KATNIP: variants seen among roughly 807,000 people sequenced by gnomAD.
KATNIP encodes the protein katanin interacting protein.
A neutral mutation model predicts 174.0 loss-of-function variants in KATNIP; 126 were observed. The ratio of observed to expected loss-of-function variants is 0.72; its 90% confidence interval spans 0.63 to 0.84. The LOEUF is 0.84. KATNIP is among the 40% of genes least tolerant of loss of function. KATNIP has a pLI of 0.00. For synonymous variants in KATNIP, 810 were observed against 835.7 expected (o/e 0.97, Z 0.53); for missense variants, 1,958 against 2,109.7 (o/e 0.93, Z 1.41).
chr16:27,711,405 G>A (rs1315129149), intron 13 of KATNIP, among the ~76,000 whole-genome samples: 1 of 152,184 alleles, frequency 6.6e-6, no homozygotes, highest in Non-Finnish European at 1.5e-5. Context: ...ACTCAAGGTT[G>A]GGGGCTACTT....
chr16:27,651,270 A>G (rs540611884), intron 6 of KATNIP, among the ~76,000 whole-genome samples: 4 of 152,286 alleles, frequency 2.6e-5, no homozygotes, highest in Admixed American at 1.3e-4. Flanking sequence ...GTGCTTGATT[A>G]TATTTCTCTC....
rs370045089 is a variant in KATNIP, at chr16:27,698,321, C to A, written c.941-7C>A. ...TAAAAGAACGTCCCCCTGTCTTCTGCCCTCAGGACCTGGAAGCCGGCGAGA... is the reference window on the plus strand; with the variant it reads ...TAAAAGAACGTCCCCCTGTCTTCTGACCTCAGGACCTGGAAGCCGGCGAGA... On this transcript the variant is annotated splice_polypyrimidine_tract_variant and splice_region_variant and intron_variant, in intron 8 of 27. Transcript: ENST00000261588. 113 of 1,603,984 alleles carry A rather than the reference C, an allele frequency of 7.0e-5. No individual in the cohort carries two copies. The African/African-American group carries it at 1.3e-3, about 19-fold the overall frequency.
At chr16:27,587,259 G>A (rs2090938615) in intron 2 of KATNIP, among the ~76,000 whole-genome samples, 1 of 152,218 alleles carries the variant, frequency 6.6e-6, no homozygotes, top group African/African-American at 2.4e-5. Context: ...TTAAGTGTTT[G>A]CTGTTTATTA....
chr16:27,618,647 C>A, intron 3 of KATNIP, 146 bp downstream of exon 3: 1 of 600,102 alleles, frequency 1.7e-6, no homozygotes, highest in Non-Finnish European at 3.0e-6. Flanking sequence ...TATCTGCAAC[C>A]CCAGCTCCTA....
intron 24 of KATNIP, 137 bp downstream of exon 24, chr16:27,775,221 G>A: frequency 9.1e-7 from 1 of 1,102,486 alleles, no homozygotes; most frequent in Non-Finnish European, 1.3e-6. Context: ...CTGTCAGAAA[G>A]GTTTAGGTCT....
chr16:27,658,436 T>C (rs1226556241), intron 6 of KATNIP, among the ~76,000 whole-genome samples: 1 of 152,206 alleles, frequency 6.6e-6, no homozygotes, highest in African/African-American at 2.4e-5. Flanking sequence ...GGAAGGAGCA[T>C]CTTTTAAGTT....
At chr16:27,603,259 G>C (rs1409851460) in intron 2 of KATNIP, among the ~76,000 whole-genome samples, 1 of 152,194 alleles carries the variant, frequency 6.6e-6, no homozygotes, top group Non-Finnish European at 1.5e-5. Context: ...CTAGATTTTA[G>C]CAGAACTCAG....
chr16:27,690,469 T>G (rs1004624235), intron 8 of KATNIP, among the ~76,000 whole-genome samples: 1 of 152,308 alleles, frequency 6.6e-6, no homozygotes, highest in Middle Eastern at 3.4e-3. Flanking sequence ...TGGAAAATGC[T>G]GCAAAACCAC....
At chr16:27,725,894 A>G (rs992648727) in intron 14 of KATNIP, among the ~76,000 whole-genome samples, 7 of 151,944 alleles carry the variant, frequency 4.6e-5, no homozygotes, top group Admixed American at 3.9e-4. Flanking sequence ...ATATACAGAA[A>G]GGCACTCGTT....
chr16:27,779,241 T>C lies in KATNIP; in HGVS notation c.*612T>C, dbSNP rs1365061352. 1 of 152,260 alleles carries C rather than the reference T, an allele frequency of 6.6e-6. No individual in the cohort carries two copies. The highest frequency in any genetic ancestry group is 1.5e-5 in the Non-Finnish European group (1 of 68,122). 9.4% of individuals were successfully genotyped at this position (152,260 alleles called of 1,614,324 possible). ...TCCCGGTATAGGGGCCTCTCTCCTC[T>C]CATCGGGCCTGATAAGGGATTGGCC... On this transcript the variant is annotated 3_prime_UTR_variant, in exon 28 of 28. Coordinates refer to ENST00000261588, the MANE Select transcript of KATNIP (RefSeq NM_015202.5).
intron 3 of KATNIP, among the ~76,000 whole-genome samples, chr16:27,621,252 C>T (rs1270334063): frequency 2.0e-5 from 3 of 151,828 alleles, no homozygotes; most frequent in South Asian, 2.1e-4. Context: ...CACTGCACTC[C>T]AGGCTGGGTG....
chr16:27,570,117 C>G (rs1596747580), intron 1 of KATNIP, among the ~76,000 whole-genome samples: 1 of 152,210 alleles, frequency 6.6e-6, no homozygotes. Flanking sequence ...GAACGCAGGT[C>G]TCATGCTTGC....
intron 5 of KATNIP, among the ~76,000 whole-genome samples, chr16:27,636,662 C>T (rs2076645363): frequency 6.6e-6 from 1 of 151,734 alleles, no homozygotes; most frequent in South Asian, 2.1e-4. Flanking sequence ...AGCTGTGTGC[C>T]CCAGAGCTGG....
chr16:27,639,690 C>T (rs1018292695), intron 5 of KATNIP, among the ~76,000 whole-genome samples: 2 of 152,182 alleles, frequency 1.3e-5, no homozygotes, highest in Non-Finnish European at 2.9e-5. Context: ...TTCAGAAAAT[C>T]TCACAAGTAA....
At chr16:27,660,694 T>C (rs559167375) in intron 6 of KATNIP, among the ~76,000 whole-genome samples, 17 of 151,364 alleles carry the variant, frequency 1.1e-4, no homozygotes, top group African/African-American at 4.1e-4. Context: ...TATAATGCAG[T>C]GGCTATTCAC....
intron 2 of KATNIP, among the ~76,000 whole-genome samples, chr16:27,611,625 G>A (rs550198792): frequency 2.0e-4 from 30 of 152,274 alleles, no homozygotes; most frequent in African/African-American, 6.5e-4. Flanking sequence ...GCCAAGATGA[G>A]CAAGAAAGAA....
Position 27,632,500 on chromosome 16 carries a change from G to T in KATNIP, c.408+1338G>T, listed in dbSNP as rs1567231652. 6 of 422,422 alleles carry T rather than the reference G, an allele frequency of 1.4e-5. No homozygotes were observed. The East Asian group carries it at 4.4e-4, about 31-fold the overall frequency. 26.2% of individuals were successfully genotyped at this position (422,422 alleles called of 1,614,324 possible). A position where few individuals can be genotyped will look rare whatever the true frequency, so the allele number is the denominator to read the frequency against. Reference sequence around the variant, plus strand: ...CGTCAAAAAATGGCGGCATTAGCAGGATCTGAGGGTGGAGGTTTTGGCCTT... The same window carrying T: ...CGTCAAAAAATGGCGGCATTAGCAGTATCTGAGGGTGGAGGTTTTGGCCTT... On this transcript the variant is annotated intron_variant, in intron 5 of 27. Transcript: ENST00000261588.
intron 8 of KATNIP, among the ~76,000 whole-genome samples, chr16:27,694,261 A>T (rs1191314870): frequency 6.6e-6 from 1 of 152,058 alleles, no homozygotes; most frequent in Non-Finnish European, 1.5e-5. Context: ...ACAGCATTCT[A>T]ATGGGGCGTA....
Position 27,704,604 on chromosome 16 carries a change from T to A in KATNIP, c.1389+606T>A, listed in dbSNP as rs995787992. Reference sequence around the variant, plus strand: ...TGGAAGTAGGGAAGACATTTTTTTTTAAAACCTAAATGTCTCATAACAATG... The same window carrying A: ...TGGAAGTAGGGAAGACATTTTTTTTAAAAACCTAAATGTCTCATAACAATG... On this transcript the variant is annotated intron_variant, in intron 12 of 27. Coordinates refer to ENST00000261588, the MANE Select transcript of KATNIP (RefSeq NM_015202.5). 5.9e-5 allele frequency among the ~76,000 whole-genome samples: 9 copies of A among 152,188 alleles called. No individual in the cohort carries two copies. In the East Asian group the frequency reaches 1.2e-3, roughly 20 times the overall value.
Sources: gnomAD v4.1 joint callset for allele counts (sites outside exome capture counted in the v4.1 genomes callset) on GRCh38, gnomAD v4.1.1 for gene constraint, MANE v1.5 for transcripts, NCBI Gene and HGNC (gene_info 2026-07-23, HGNC 2026-07-21) for gene names.